Variants in CC2D2A observed in about 807,000 individuals in gnomAD.
CC2D2A encodes the protein coiled-coil and C2 domain containing 2A, also known as coiled-coil and C2 domain-containing protein 2A.
Under a neutral mutation model 212.9 loss-of-function variants are expected in CC2D2A, and 155 were observed. The ratio of observed to expected loss-of-function variants is 0.73; its 90% CI spans 0.64 to 0.83. The LOEUF (loss-of-function observed/expected upper bound fraction) is 0.83, where lower values mean the gene tolerates loss of function less well. CC2D2A is among the 40% of genes least tolerant of loss of function. The pLI is 0.00. For synonymous variants in CC2D2A, 667 were observed against 686.5 expected (o/e 0.97, Z 0.44); for missense variants, 1,856 against 1,956.2 (o/e 0.95, Z 0.97).
Position 15,550,828 on chromosome 4 carries a change from A to G in CC2D2A, c.2186A>G (p.Tyr729Cys). 6.4e-7 allele frequency: 1 copy of G among 1,560,438 alleles called. No homozygotes were observed. The highest frequency in any genetic ancestry group is 8.8e-7 in the Non-Finnish European group (1 of 1,140,944). The change falls in exon 18 of 37, where the codon TAT (tyrosine) becomes TGT (cysteine). Residue 729 changes from tyrosine to cysteine, a missense_variant. Physicochemically the swap from Tyr to Cys is radical, Grantham distance 194. Transcript: ENST00000424120. ...NWPESLTLQV[Y>C]ETVGHSSPTL... ...TTTCTCTTCTCTGGTTTTCAGGTCT[A>G]TGAAACTGTCGGACACAGTAGTCCC...
intron 5 of CC2D2A, 118 bp downstream of exon 5, chr4:15,502,635 A>G: frequency 2.8e-6 from 3 of 1,070,144 alleles, no homozygotes; most frequent in Non-Finnish European, 4.1e-6. Context: ...TTTGTCTTTC[A>G]AGTTTTAAAT....
intron 4 of CC2D2A, among the ~76,000 whole-genome samples, chr4:15,482,619 A>T (rs1208557099): frequency 6.6e-6 from 1 of 152,144 alleles, no homozygotes; most frequent in African/African-American, 2.4e-5. Context: ...TTTGACCTTA[A>T]TTACCTCCTA....
chr4:15,587,691 C>A (rs6449150), intron 31 of CC2D2A, 125 bp from the exon 32 acceptor site: 1 of 479,752 alleles, frequency 2.1e-6, no homozygotes, highest in South Asian at 3.8e-5. Flanking sequence ...ATCAAAATTT[C>A]GGGCAAGATT....
chr4:15,563,518 G>A lies in CC2D2A; in HGVS notation c.3178G>A (p.Val1060Met). 6.2e-7 allele frequency: 1 copy of A among 1,611,426 alleles called. No individual in the cohort carries two copies. The highest frequency in any genetic ancestry group is 1.3e-5 in the African/African-American group (1 of 75,008). ...AYDIPVRKPA[V>M]SKFQQPSRSS... ...CGACATTCCAGTGAGGAAGCCGGCA[G>A]TGAGGTGAGAGCCCTCCCAACAGCC... The change falls in exon 24 of 37, where the codon GTG becomes ATG. Residue 1060 changes from valine to methionine, a missense_variant. Val to Met is a conservative substitution (Grantham distance 21). Coordinates refer to ENST00000424120, the MANE Select transcript of CC2D2A (RefSeq NM_001378615.1).
chr4:15,559,227 T>C lies in CC2D2A; in HGVS notation c.2892T>C (p.His964=), dbSNP rs1315183237. 3 of 1,553,718 alleles carry C rather than the reference T, an allele frequency of 1.9e-6. No homozygotes were observed. Among genetic ancestry groups the C allele is most frequent in the African/African-American group, 1.4e-5 (1 of 73,212 alleles). ...AAACCAAGGAACACATAGACACCCA[T>C]AGGGCCATAGTAGCCAAGTACCTCC... ...VIETKEHIDT[H]RAIVAKYLQQ... The change falls in exon 22 of 37, where the codon CAT becomes CAC. Residue 964 remains histidine, a synonymous_variant. Transcript: ENST00000424120.
intron 1 of CC2D2A, among the ~76,000 whole-genome samples, chr4:15,474,703 C>T (rs893353572): frequency 1.3e-5 from 2 of 152,064 alleles, no homozygotes; most frequent in African/African-American, 2.4e-5. Flanking sequence ...TCATGTACCC[C>T]ATAAATATAT....
At position 15,498,798 on chromosome 4, in the gene CC2D2A, T is replaced by C. The variant is rs150028359; in HGVS notation, c.248-3631T>C. 5.9e-4 allele frequency among the ~76,000 whole-genome samples: 90 copies of C among 152,370 alleles called. 1 individual carries two copies. In the East Asian group the frequency reaches 9.8e-3, roughly 17 times the overall value. ...TTTTAAAAAAGTCTTCATCATTATC[T>C]GGTTTCAAACAAATGAAGATTACAT... On this transcript the variant is annotated intron_variant, in intron 4 of 36. Coordinates refer to ENST00000424120, the MANE Select transcript of CC2D2A (RefSeq NM_001378615.1).
At chr4:15,599,986 C>T (rs1721511182) in intron 36 of CC2D2A, among the ~76,000 whole-genome samples, 1 of 152,084 alleles carries the variant, frequency 6.6e-6, no homozygotes, top group Admixed American at 6.5e-5. Context: ...TCATGTTAGA[C>T]ACAACTGTGC....
chr4:15,510,237 C>T lies in CC2D2A; in HGVS notation c.537C>T (p.Pro179=), dbSNP rs1441624251. The change falls in exon 7 of 37, where the codon CCC becomes CCT. Residue 179 remains proline (P), a synonymous_variant. Transcript: ENST00000424120. The part of the protein sequence containing the change: ...HDSARKIKPK[P]QVPPGFPSAE... ...CTGCACGAAAAATCAAGCCTAAACC[C>T]CAGGTGAGAAATCTTGTTTTTTAAA... is the stretch of plus-strand genomic sequence containing the variant. The T allele has an allele frequency of 6.2e-7, 1 of 1,606,622 alleles. No individual in the cohort carries two copies. The highest frequency in any genetic ancestry group is 1.1e-5 in the South Asian group (1 of 89,280).
At chr4:15,506,828 C>T (rs1207864491) in intron 6 of CC2D2A, among the ~76,000 whole-genome samples, 1 of 151,916 alleles carries the variant, frequency 6.6e-6, no homozygotes, top group Non-Finnish European at 1.5e-5. Context: ...AATCCCAGCA[C>T]TTTGGGAGGC....
chr4:15,533,518 AT>A (rs1433238463), intron 14 of CC2D2A, 185 bp downstream of exon 14: 1 of 444,096 alleles, frequency 2.3e-6, no homozygotes, highest in Non-Finnish European at 4.0e-6. Flanking sequence ...AATCCCCAAA[AT>A]AACAACTACC....
intron 18 of CC2D2A, among the ~76,000 whole-genome samples, chr4:15,551,767 C>T (rs992056657): frequency 6.6e-6 from 1 of 152,054 alleles, no homozygotes; most frequent in African/African-American, 2.4e-5. Flanking sequence ...CATTCCAATA[C>T]CTATCTACTT....
rs761213221 is a variant in CC2D2A at position 15,511,418 on chromosome 4, G to T, written c.712G>T (p.Glu238Ter). ...EEPPAQGGGKEMDEEELLNGD... is the reference protein window; with the variant it reads ...EEPPAQGGGK Reference sequence around the variant, plus strand: ...ACCACCTGCACAAGGAGGAGGAAAGGAAATGGTATTTAATATCAGGATGGT... The same window carrying T: ...ACCACCTGCACAAGGAGGAGGAAAGTAAATGGTATTTAATATCAGGATGGT... The change falls in exon 8 of 37, where the codon GAA (glutamate) becomes TAA (stop). Residue 238 changes from glutamate to a stop codon, truncating the protein, a stop_gained. Transcript: ENST00000424120. LOFTEE classifies it high-confidence loss of function. 14 of 1,537,494 alleles carry T rather than the reference G, an allele frequency of 9.1e-6. No homozygotes were observed. Among genetic ancestry groups the T allele is most frequent in the African/African-American group, 1.4e-5 (1 of 69,980 alleles).
intron 10 of CC2D2A, 108 bp downstream of exon 10, chr4:15,516,112 G>C (rs1046665918): frequency 4.3e-6 from 5 of 1,155,900 alleles, no homozygotes; most frequent in East Asian, 5.7e-5. Flanking sequence ...TCCTCTTGAG[G>C]TTATCCACAG....
chr4:15,514,702 T>G lies in CC2D2A; in HGVS notation c.718-5T>G. The G allele has an allele frequency of 6.6e-7, 1 of 1,512,780 alleles. No individual in the cohort carries two copies. The highest frequency in any genetic ancestry group is 8.9e-7 in the Non-Finnish European group (1 of 1,121,982). The allele number at this position is 1,512,780 out of a possible 1,614,324, so 93.7% of individuals were successfully genotyped here. Reference sequence around the variant, plus strand: ...TTTTTCTTGTTACTTTTTAACATTATGCAGGATGAGGAAGAACTGCTTAAT... The same window carrying G: ...TTTTTCTTGTTACTTTTTAACATTAGGCAGGATGAGGAAGAACTGCTTAAT... On this transcript the variant is annotated splice_polypyrimidine_tract_variant and splice_region_variant and intron_variant, in intron 8 of 36. Transcript: ENST00000424120.
rs550913315 is a variant in CC2D2A, at chr4:15,538,087, C to T, written c.1953C>T (p.Val651=). Residue 651 remains valine, a synonymous_variant, in exon 16 of 37, where the codon GTC becomes GTT. Coordinates refer to ENST00000424120, the MANE Select transcript of CC2D2A (RefSeq NM_001378615.1). ...SRRRPWEPTL[V]PELSLAGSVT... is the part of the protein sequence containing the mutation. ...GGAGGCCTTGGGAGCCCACGCTGGT[C>T]CCGGAGCTAAGCCTGGCAGGAAGCG... 7.7e-5 allele frequency: 124 copies of T among 1,604,722 alleles called. 1 individual carries two copies. In the South Asian group the frequency reaches 1.3e-3, roughly 16 times the overall value.
chr4:15,503,492 A>G (rs1716081028), intron 6 of CC2D2A, among the ~76,000 whole-genome samples: 1 of 152,164 alleles, frequency 6.6e-6, no homozygotes, highest in Non-Finnish European at 1.5e-5. Context: ...CACAGAGCAT[A>G]CATGTGGAAG....
intron 1 of CC2D2A, among the ~76,000 whole-genome samples, chr4:15,471,172 A>G (rs995935349): frequency 6.6e-6 from 1 of 152,180 alleles, no homozygotes; most frequent in African/African-American, 2.4e-5. Context: ...TTCCAAAACA[A>G]TGTATGTGGC....
chr4:15,514,610 A>G (rs1716752949), intron 8 of CC2D2A, 97 bp from the exon 9 acceptor site: 1 of 897,796 alleles, frequency 1.1e-6, no homozygotes, highest in Non-Finnish European at 1.6e-6. Flanking sequence ...ATAAAGTTGT[A>G]GGAAATGTTA....
Sources: gnomAD v4.1 joint callset for allele counts (sites outside exome capture counted in the v4.1 genomes callset) on GRCh38, gnomAD v4.1.1 for gene constraint, MANE v1.5 for transcripts, NCBI Gene and HGNC (gene_info 2026-07-23, HGNC 2026-07-21) for gene names.